The following UCHL1 variants were observed in gnomAD, a reference collection of about 807,000 sequenced individuals.
The protein encoded by UCHL1 is ubiquitin C-terminal hydrolase L1.
In UCHL1, 5 loss-of-function variants were observed where a neutral mutation model predicts 33.3. That is an observed-to-expected ratio of 0.15 (90% confidence interval 0.08 to 0.32). UCHL1 has a LOEUF of 0.32. Among genes scored for constraint, UCHL1 ranks in the 10% least tolerant of loss-of-function variants. The pLI, the probability that UCHL1 is intolerant of heterozygous loss-of-function variation, is 1.00. For missense variants in UCHL1, 236 were observed against 280.0 expected (o/e 0.84, Z 1.12); for synonymous variants, 132 against 108.8 (o/e 1.21, Z -1.33).
chr4:41,259,337 G>A (rs1781034078), intron 3 of UCHL1, among the ~76,000 whole-genome samples: 1 of 152,216 alleles, frequency 6.6e-6, no homozygotes, highest in African/African-American at 2.4e-5. Flanking sequence ...TTAAGTGCTA[G>A]TAGACTATTT....
chr4:41,264,100 C>T lies in UCHL1; in HGVS notation c.527-3C>T, dbSNP rs749663332. The T allele has an allele frequency of 3.1e-6, 5 of 1,614,228 alleles. No individual in the cohort carries two copies. The highest frequency in any genetic ancestry group is 3.3e-4 in the Middle Eastern group (2 of 6,062). Reference sequence around the variant, plus strand: ...ATTGACATGCCTGGCTTCTTTGTTACAGATGGACGAATGCCTTTTCCGGTG... The same window carrying T: ...ATTGACATGCCTGGCTTCTTTGTTATAGATGGACGAATGCCTTTTCCGGTG... On this transcript the variant is annotated splice_region_variant and splice_polypyrimidine_tract_variant and intron_variant, in intron 7 of 8. Coordinates refer to ENST00000284440, the MANE Select transcript of UCHL1 (RefSeq NM_004181.5).
intron 3 of UCHL1, among the ~76,000 whole-genome samples, chr4:41,258,114 T>G (rs1310646494): frequency 1.3e-5 from 2 of 152,158 alleles, no homozygotes; most frequent in Non-Finnish European, 2.9e-5. Context: ...GTCAACTCAT[T>G]GTTTGCTTCT....
chr4:41,266,051 CAT>C (rs1305795854), intron 8 of UCHL1, among the ~76,000 whole-genome samples: 1 of 152,062 alleles, frequency 6.6e-6, no homozygotes, highest in Non-Finnish European at 1.5e-5. Flanking sequence ...ACAAGTGTCA[CAT>C]GAGTAGAATT....
At position 41,257,731 on chromosome 4, in the gene UCHL1, G is replaced by T; in HGVS notation, c.168G>T (p.Thr56=). Residue 56 remains threonine, a synonymous_variant, in exon 3 of 9, where the codon ACG becomes ACT. Transcript: ENST00000284440. ...ACALLLLFPL[T]AQHENFRKKQ... ...CGCTGCTGCTGCTGTTTCCCCTCAC[G>T]GCCCAGGTAGGGCGTGGGGCCCAGG... 2 of 1,576,352 alleles carry T rather than the reference G, an allele frequency of 1.3e-6. No homozygotes were observed. Among genetic ancestry groups the T allele is most frequent in the Non-Finnish European group, 1.7e-6 (2 of 1,165,578 alleles).
chr4:41,261,931 CA>C lies in UCHL1; in HGVS notation c.459+11del, dbSNP rs1561081071. 1.2e-6 allele frequency: 2 copies of C among 1,613,968 alleles called. No homozygotes were observed. The highest frequency in any genetic ancestry group is 1.7e-6 in the Non-Finnish European group (2 of 1,179,984). On this transcript the variant is annotated intron_variant, in intron 6 of 8. Coordinates refer to ENST00000284440, the MANE Select transcript of UCHL1 (RefSeq NM_004181.5). The stretch of plus-strand genomic sequence containing the variant: ...CAGGAAGGCCAATGTCGGGTAAATG[CA>C]AATACAAATCGGAGCCAGGCTGCCT...
chr4:41,267,274 C>T (rs1781168937), intron 8 of UCHL1, among the ~76,000 whole-genome samples: 1 of 151,776 alleles, frequency 6.6e-6, no homozygotes, highest in East Asian at 2.0e-4. Flanking sequence ...GACGGAGTCT[C>T]GCTCTGTCGC....
chr4:41,257,283 T>G, intron 2 of UCHL1, 157 bp downstream of exon 2: 5 of 1,222,248 alleles, frequency 4.1e-6, no homozygotes, highest in Non-Finnish European at 5.6e-6. Flanking sequence ...CCTGGGCCCC[T>G]GCATTTAGCG....
chr4:41,266,827 G>T (rs1219426362), intron 8 of UCHL1, among the ~76,000 whole-genome samples: 1 of 151,940 alleles, frequency 6.6e-6, no homozygotes, highest in Non-Finnish European at 1.5e-5. Context: ...GGCTGGTCTT[G>T]AACTCCTGAG....
intron 2 of UCHL1, 23 bp downstream of exon 2, chr4:41,257,149 T>C: frequency 6.2e-7 from 1 of 1,612,010 alleles, no homozygotes; most frequent in Non-Finnish European, 8.5e-7. Flanking sequence ...TCGCGCCGTC[T>C]CTGGCCCCCT....
At chr4:41,261,138 T>A (rs950722941) in intron 4 of UCHL1, among the ~76,000 whole-genome samples, 1 of 152,236 alleles carries the variant, frequency 6.6e-6, no homozygotes, top group African/African-American at 2.4e-5. Context: ...CAGTCAGATG[T>A]CTCTATGCTG....
At chr4:41,257,311 G>A (rs1233475045) in intron 2 of UCHL1, 185 bp downstream of exon 2, 2 of 1,087,210 alleles carry the variant, frequency 1.8e-6, no homozygotes, top group Non-Finnish European at 1.3e-6. Context: ...CTACGAAACC[G>A]GTCACGGGGA....
intron 8 of UCHL1, among the ~76,000 whole-genome samples, chr4:41,266,823 T>C (rs937671835): frequency 3.9e-5 from 6 of 152,048 alleles, no homozygotes; most frequent in African/African-American, 1.4e-4. Context: ...CCCAGGCTGG[T>C]CTTGAACTCC....
At chr4:41,257,474 G>C in intron 2 of UCHL1, 135 bp from the exon 3 acceptor site, 1 of 1,206,460 alleles carries the variant, frequency 8.3e-7, no homozygotes, top group Non-Finnish European at 1.1e-6. Context: ...GGGTGGGGGT[G>C]GCAGGGCGGG....
chr4:41,257,314 C>G (rs1580922615), intron 2 of UCHL1, 188 bp downstream of exon 2: 2 of 1,060,962 alleles, frequency 1.9e-6, no homozygotes, highest in Non-Finnish European at 2.6e-6. Context: ...CGAAACCGGT[C>G]ACGGGGAGAC....
At chr4:41,257,871 C>A in intron 3 of UCHL1, 134 bp downstream of exon 3, 2 of 1,357,910 alleles carry the variant, frequency 1.5e-6, no homozygotes, top group Non-Finnish European at 1.9e-6. Flanking sequence ...AGGGAGGAGC[C>A]TGCATTTTCG....
chr4:41,266,250 CT>C (rs1781152620), intron 8 of UCHL1, among the ~76,000 whole-genome samples: 2 of 112,638 alleles, frequency 1.8e-5, no homozygotes, highest in South Asian at 5.3e-4. Flanking sequence ...TTTTTTTTAA[CT>C]TTTCTAATTA....
chr4:41,257,971 A>C (rs1781010504), intron 3 of UCHL1, among the ~76,000 whole-genome samples: 1 of 152,242 alleles, frequency 6.6e-6, no homozygotes, highest in African/African-American at 2.4e-5. Flanking sequence ...GAAGAGAGGC[A>C]GTATCTCAGT....
intron 8 of UCHL1, 57 bp downstream of exon 8, chr4:41,264,218 T>C: frequency 6.2e-7 from 1 of 1,609,368 alleles, no homozygotes; most frequent in Admixed American, 1.7e-5. Context: ...GGCTAAATTT[T>C]CTATTCTAAA....
chr4:41,261,968 T>C, intron 6 of UCHL1, 45 bp downstream of exon 6: 1 of 1,607,742 alleles, frequency 6.2e-7, no homozygotes, highest in Non-Finnish European at 8.5e-7. Context: ...GGGTGCCATC[T>C]GTGTTTCTAC....
Sources: allele counts gnomAD v4.1 joint callset (sites outside exome capture counted in the v4.1 genomes callset), GRCh38; gene constraint gnomAD v4.1.1; transcripts MANE v1.5; gene names NCBI Gene and HGNC (gene_info 2026-07-23, HGNC 2026-07-21).